ABCA13: variants seen among roughly 807,000 people sequenced by gnomAD.
ABCA13 encodes the protein ATP-binding cassette sub-family A member 13.
ABCA13 carries 476 observed loss-of-function variants against 478.7 expected under a neutral mutation model. The observed-to-expected ratio is 0.99, with a 90% CI of 0.92 to 1.07. The LOEUF is 1.07. Ranked by LOEUF, ABCA13 falls within the 50% of genes least tolerant of loss-of-function variation. The pLI is 0.00. For missense variants in ABCA13, 6,060 were observed against 5,910.6 expected, an observed-to-expected ratio of 1.03 and a Z score of -0.83; for synonymous variants, 2,252 against 2,158.9, an observed-to-expected ratio of 1.04 and a Z score of -1.20.
intron 27 of ABCA13, among the ~76,000 whole-genome samples, chr7:48,333,888 G>A (rs1482460145): frequency 2.0e-5 from 3 of 152,160 alleles, no homozygotes; most frequent in African/African-American, 7.2e-5. Flanking sequence ...AATACTCCTT[G>A]CCCTGTCTCC....
At chr7:48,212,385 T>C (rs2128946271) in intron 3 of ABCA13, among the ~76,000 whole-genome samples, 1 of 152,356 alleles carries the variant, frequency 6.6e-6, no homozygotes, top group South Asian at 2.1e-4. Flanking sequence ...CCATCTTAAA[T>C]GTTATGAACA....
At chr7:48,233,137 G>T (rs567275834) in intron 7 of ABCA13, among the ~76,000 whole-genome samples, 5,137 of 152,088 alleles carry the variant, frequency 0.034, 278 homozygotes, top group African/African-American at 0.12. Context: ...TGAAGTCCCC[G>T]TTGACTTGGT....
At chr7:48,259,297 A>G (rs1359869582) in intron 15 of ABCA13, among the ~76,000 whole-genome samples, 2 of 152,158 alleles carry the variant, frequency 1.3e-5, no homozygotes, top group Non-Finnish European at 2.9e-5. Flanking sequence ...TGTTGGATGC[A>G]TATATATGTA....
intron 15 of ABCA13, among the ~76,000 whole-genome samples, chr7:48,263,140 A>G (rs1161812516): frequency 6.6e-6 from 1 of 151,918 alleles, no homozygotes; most frequent in Non-Finnish European, 1.5e-5. Context: ...TTAGATATGT[A>G]GAATTGTGGC....
At chr7:48,494,030 A>G (rs73694650) in intron 48 of ABCA13, among the ~76,000 whole-genome samples, 10,083 of 152,240 alleles carry the variant, frequency 0.066, 412 homozygotes, top group African/African-American at 0.11. Flanking sequence ...ACTGGGTGTC[A>G]GGGGAGGACT....
intron 27 of ABCA13, among the ~76,000 whole-genome samples, chr7:48,325,418 C>T (rs923655803): frequency 9.2e-5 from 14 of 152,148 alleles, no homozygotes; most frequent in African/African-American, 3.1e-4. Context: ...TGTGTGGCTT[C>T]GTACCTTTGC....
intron 55 of ABCA13, among the ~76,000 whole-genome samples, chr7:48,530,030 A>G (rs948451848): frequency 2.6e-5 from 4 of 152,132 alleles, no homozygotes; most frequent in Non-Finnish European, 4.4e-5. Context: ...CAGTGTACAC[A>G]GTACCTAATT....
intron 1 of ABCA13, among the ~76,000 whole-genome samples, chr7:48,191,971 T>G (rs1180139873): frequency 6.6e-6 from 1 of 152,244 alleles, no homozygotes; most frequent in East Asian, 1.9e-4. Context: ...TGGAGCATTC[T>G]TAGCCTGCAG....
At chr7:48,578,581 A>G (rs1405593736) in intron 55 of ABCA13, among the ~76,000 whole-genome samples, 1 of 152,188 alleles carries the variant, frequency 6.6e-6, no homozygotes, top group Non-Finnish European at 1.5e-5. Context: ...TAGATATTCC[A>G]TGTTTTGGGG....
chr7:48,628,970 C>G (rs916232379), intron 59 of ABCA13, among the ~76,000 whole-genome samples: 10 of 152,182 alleles, frequency 6.6e-5, no homozygotes, highest in African/African-American at 2.2e-4. Context: ...TAACTGACCC[C>G]TTTGATGGAG....
chr7:48,576,401 A>G (rs1480601120), intron 55 of ABCA13, among the ~76,000 whole-genome samples: 1 of 152,166 alleles, frequency 6.6e-6, no homozygotes, highest in African/African-American at 2.4e-5. Context: ...CAGGAACCCT[A>G]CCAGATTCTC....
intron 43 of ABCA13, among the ~76,000 whole-genome samples, chr7:48,460,045 C>T (rs1211823326): frequency 6.6e-6 from 1 of 151,988 alleles, no homozygotes; most frequent in Admixed American, 6.6e-5. Flanking sequence ...CTCTTTTTCT[C>T]CTAGTTCTCC....
intron 29 of ABCA13, among the ~76,000 whole-genome samples, chr7:48,339,585 A>G (rs1806797257): frequency 6.6e-6 from 1 of 152,244 alleles, no homozygotes; most frequent in Non-Finnish European, 1.5e-5. Flanking sequence ...CTTAGCCAAC[A>G]GTACATTTGA....
intron 42 of ABCA13, among the ~76,000 whole-genome samples, chr7:48,450,123 C>T (rs992457993): frequency 6.6e-6 from 1 of 152,194 alleles, no homozygotes; most frequent in African/African-American, 2.4e-5. Context: ...TAAATACTCA[C>T]TGAATTTAAT....
intron 3 of ABCA13, among the ~76,000 whole-genome samples, chr7:48,218,876 A>G (rs1786892152): frequency 6.6e-6 from 1 of 152,170 alleles, no homozygotes; most frequent in Admixed American, 6.5e-5. Context: ...TTCATGGTAG[A>G]TATGCATGTT....
chr7:48,584,616 C>T (rs1042520241), intron 56 of ABCA13, among the ~76,000 whole-genome samples: 5 of 152,192 alleles, frequency 3.3e-5, no homozygotes, highest in Non-Finnish European at 7.3e-5. Flanking sequence ...GTGCACTGAG[C>T]TTCCAGGATG....
At chr7:48,221,194 T>C (rs1226186315) in intron 4 of ABCA13, 87 bp from the exon 5 acceptor site, 2 of 688,282 alleles carry the variant, frequency 2.9e-6, no homozygotes, top group East Asian at 6.1e-5. Flanking sequence ...GGATACTCCA[T>C]TTGACTTTAG....
intron 33 of ABCA13, among the ~76,000 whole-genome samples, 168 bp from the exon 34 acceptor site, chr7:48,374,179 G>A (rs895522791): frequency 1.3e-5 from 2 of 152,062 alleles, no homozygotes; most frequent in East Asian, 1.9e-4. Flanking sequence ...CTGACATTCC[G>A]CTAAGATTTT....
chr7:48,492,417 T>C (rs1829918629), intron 48 of ABCA13, among the ~76,000 whole-genome samples: 1 of 152,218 alleles, frequency 6.6e-6, no homozygotes, highest in South Asian at 2.1e-4. Flanking sequence ...CCCACAGTTA[T>C]TTGCTTATGA....
Sources: allele counts gnomAD v4.1 joint callset (sites outside exome capture counted in the v4.1 genomes callset), GRCh38; gene constraint gnomAD v4.1.1; transcripts MANE v1.5; gene names NCBI Gene and HGNC (gene_info 2026-07-23, HGNC 2026-07-21).